Variants in KCNMA1 observed in about 807,000 individuals in gnomAD.
The protein encoded by KCNMA1 is potassium calcium-activated channel subfamily M alpha 1, also known as Calcium-activated potassium channel subunit alpha-1.
Under a neutral mutation model 140.0 loss-of-function variants are expected in KCNMA1, and 29 were observed. The ratio of observed to expected loss-of-function variants is 0.21; its 90% CI spans 0.15 to 0.28. KCNMA1 has a LOEUF of 0.28. Among genes scored for constraint, KCNMA1 ranks in the 10% least tolerant of loss-of-function variants. The pLI is 1.00. For missense variants in KCNMA1, 880 were observed against 1,602.2 expected (o/e 0.55, Z 7.70); for synonymous variants, 612 against 611.9 (o/e 1.00, Z 0.00).
chr10:77,488,965 G>A (rs1290700472), intron 1 of KCNMA1, among the ~76,000 whole-genome samples: 1 of 152,162 alleles, frequency 6.6e-6, no homozygotes, highest in Non-Finnish European at 1.5e-5. Context: ...GCTCTTCCCA[G>A]GCACCCACAG....
intron 5 of KCNMA1, among the ~76,000 whole-genome samples, chr10:77,123,135 G>A (rs1258974955): frequency 6.4e-5 from 8 of 124,820 alleles, no homozygotes; most frequent in South Asian, 2.8e-4. Context: ...AGCCGAGATC[G>A]CGCCACTGCA....
At chr10:77,070,312 C>CA (rs1425369755) in intron 14 of KCNMA1, among the ~76,000 whole-genome samples, 1 of 151,920 alleles carries the variant, frequency 6.6e-6, no homozygotes, top group Non-Finnish European at 1.5e-5. Context: ...CTGGTCTCTA[C>CA]AAAAAATTAA....
At chr10:77,158,088 A>C (rs2098508696) in intron 5 of KCNMA1, among the ~76,000 whole-genome samples, 1 of 152,234 alleles carries the variant, frequency 6.6e-6, no homozygotes, top group African/African-American at 2.4e-5. Flanking sequence ...GGCTCAGGGA[A>C]AATAATCAGG....
At chr10:77,204,995 C>T (rs1210431937) in intron 3 of KCNMA1, among the ~76,000 whole-genome samples, 1 of 152,116 alleles carries the variant, frequency 6.6e-6, no homozygotes, top group Non-Finnish European at 1.5e-5. Context: ...CATCACGCTC[C>T]ATGATGTTCT....
At chr10:77,507,396 C>T (rs1404069406) in intron 1 of KCNMA1, among the ~76,000 whole-genome samples, 1 of 152,208 alleles carries the variant, frequency 6.6e-6, no homozygotes, top group African/African-American at 2.4e-5. Flanking sequence ...TCAGGAAGCT[C>T]AGTCTGACCA....
chr10:77,434,974 G>A (rs2097228383), intron 1 of KCNMA1, among the ~76,000 whole-genome samples: 2 of 152,134 alleles, frequency 1.3e-5, no homozygotes, highest in South Asian at 4.1e-4. Flanking sequence ...CTTTTTTGGG[G>A]AGAGAGTCTC....
chr10:76,981,106 G>A (rs1427129011), intron 19 of KCNMA1, among the ~76,000 whole-genome samples: 1 of 152,142 alleles, frequency 6.6e-6, no homozygotes, highest in Non-Finnish European at 1.5e-5. Flanking sequence ...CTCTGCTGCT[G>A]GGTCCTTCTC....
chr10:77,008,190 A>G (rs1313549541), intron 18 of KCNMA1: 6 of 1,535,074 alleles, frequency 3.9e-6, no homozygotes, highest in Non-Finnish European at 3.5e-6. Flanking sequence ...CTCACAATAT[A>G]TCACTACCAG....
intron 1 of KCNMA1, among the ~76,000 whole-genome samples, chr10:77,460,652 C>G (rs1259972319): frequency 6.6e-6 from 1 of 152,080 alleles, no homozygotes; most frequent in Non-Finnish European, 1.5e-5. Context: ...CCTAAGTGAA[C>G]TAACTCAGAA....
chr10:77,378,253 G>A (rs1218963372), intron 2 of KCNMA1, among the ~76,000 whole-genome samples: 2 of 152,290 alleles, frequency 1.3e-5, no homozygotes, highest in East Asian at 3.9e-4. Context: ...CAGGTGAGGT[G>A]GTGAGGTTGC....
At chr10:76,984,911 G>A (rs951439977) in intron 19 of KCNMA1, among the ~76,000 whole-genome samples, 28 of 152,312 alleles carry the variant, frequency 1.8e-4, no homozygotes, top group Non-Finnish European at 8.8e-5. Flanking sequence ...AGAAATAAAG[G>A]AGACAATCTG....
At chr10:76,918,846 C>T (rs145795984) in intron 23 of KCNMA1, among the ~76,000 whole-genome samples, 57 of 151,120 alleles carry the variant, frequency 3.8e-4, no homozygotes, top group African/African-American at 1.4e-3. Context: ...ACCCAAATGC[C>T]CATTAATCAA....
chr10:77,572,552 CAA>C (rs200696383), intron 1 of KCNMA1, among the ~76,000 whole-genome samples: 1 of 38,786 alleles, frequency 2.6e-5, no homozygotes, highest in African/African-American at 9.8e-5. Context: ...TCTGTCGCTC[CAA>C]AAAAAAAAAA....
chr10:77,425,975 C>T (rs953473307), intron 1 of KCNMA1, among the ~76,000 whole-genome samples: 3 of 152,154 alleles, frequency 2.0e-5, no homozygotes, highest in African/African-American at 7.2e-5. Context: ...GACCCCAGTA[C>T]AACACAGATG....
At chr10:76,959,895 G>A (rs1227443212) in intron 20 of KCNMA1, among the ~76,000 whole-genome samples, 1 of 152,184 alleles carries the variant, frequency 6.6e-6, no homozygotes, top group Non-Finnish European at 1.5e-5. Context: ...ATCGGGCTCT[G>A]TGTATACATG....
intron 1 of KCNMA1, among the ~76,000 whole-genome samples, chr10:77,416,941 C>T (rs1401513876): frequency 6.6e-6 from 1 of 152,220 alleles, no homozygotes; most frequent in Admixed American, 6.5e-5. Flanking sequence ...AGTCAAACTC[C>T]TCAAGGCCTG....
intron 2 of KCNMA1, among the ~76,000 whole-genome samples, chr10:77,314,923 A>AACACACACACAC (rs3998084): frequency 3.4e-5 from 5 of 146,250 alleles, no homozygotes; most frequent in Admixed American, 2.1e-4. Context: ...CCACACCCCC[A>AACACACACACAC]ACACACACAC....
chr10:77,371,353 C>T lies in KCNMA1; in HGVS notation c.540+32509G>A, dbSNP rs547764796. ...CCTGTGCCATCTTCCCCTGTGGCAC[C>T]TGTGTGTAGGAATCTTCAACAGCTG... is the stretch of plus-strand genomic sequence containing the variant. On this transcript the variant is annotated intron_variant, in intron 2 of 27. Transcript: ENST00000286628. Among the ~76,000 whole-genome samples, 4 of 152,122 alleles carry T rather than the reference C, an allele frequency of 2.6e-5. No homozygotes were observed. The South Asian group carries it at 8.3e-4, about 32-fold the overall frequency.
chr10:77,370,049 GC>G (rs950765692), intron 2 of KCNMA1, among the ~76,000 whole-genome samples: 3 of 152,108 alleles, frequency 2.0e-5, no homozygotes, highest in Non-Finnish European at 4.4e-5. Flanking sequence ...ATGACATATT[GC>G]CCCCCAAAAT....
Sources: allele counts gnomAD v4.1 joint callset (sites outside exome capture counted in the v4.1 genomes callset), GRCh38; gene constraint gnomAD v4.1.1; transcripts MANE v1.5; gene names NCBI Gene and HGNC (gene_info 2026-07-23, HGNC 2026-07-21).